The following KIF26A variants were observed in gnomAD, a reference collection of about 807,000 sequenced individuals.
KIF26A encodes the protein kinesin-like protein KIF26A.
In KIF26A, 74 loss-of-function variants were observed where a neutral mutation model predicts 126.0. That is an observed-to-expected ratio of 0.59 (90% confidence interval 0.49 to 0.71). KIF26A has a LOEUF of 0.71. Among genes scored for constraint, KIF26A ranks in the 30% least tolerant of loss-of-function variants. The pLI, the probability that KIF26A is intolerant of heterozygous loss-of-function variation, is 0.00. For synonymous variants in KIF26A, 1,445 were observed against 1,232.7 expected (o/e 1.17, Z -3.61); for missense variants, 2,984 against 2,763.3 (o/e 1.08, Z -1.79).
rs781049360 is a variant in KIF26A at position 104,175,670 on chromosome 14, C to A, written c.2882C>A (p.Ala961Asp). ...CCCCCACCTCCTCAGTTGCTGGAAG[C>A]CTGCAGAGCCCCAGAAGAGCCTGGG... Reference protein sequence around the residue: ...PAPPPPQLLEACRAPEEPGGG... With the variant: ...PAPPPPQLLEDCRAPEEPGGG... The change falls in exon 12 of 15, where the codon GCC becomes GAC. Residue 961 changes from alanine (A) to aspartate (D), a missense_variant. By Grantham distance (126) the Ala-to-Asp change is moderately radical. Coordinates refer to ENST00000423312, the MANE Select transcript of KIF26A (RefSeq NM_015656.2). The A allele has an allele frequency of 4.4e-6, 7 of 1,607,224 alleles. No homozygotes were observed. The South Asian group carries it at 7.8e-5, about 18-fold the overall frequency.
At position 104,176,342 on chromosome 14, in the gene KIF26A, C is replaced by A. The variant is rs186020493; in HGVS notation, c.3554C>A (p.Pro1185Gln). 49 of 1,582,644 alleles carry A rather than the reference C, an allele frequency of 3.1e-5. No individual in the cohort carries two copies. In the African/African-American group the frequency reaches 4.4e-4, roughly 14 times the overall value. The change falls in exon 12 of 15, where the codon CCA (proline) becomes CAA (glutamine). Residue 1185 changes from proline (P) to glutamine (Q), a missense_variant. Physicochemically the swap from Pro to Gln is moderately conservative, Grantham distance 76. Transcript: ENST00000423312. ...CCTGGGGAAGTGGCTGCAGTGGCCC[C>A]ATCCCGACCCGGCAGGGAGCCCCAG... The part of the protein sequence containing the change: ...PCPGEVAAVA[P>Q]SRPGREPQAG...
rs1739871687 is a variant in KIF26A, at chr14:104,176,672, G to A, written c.3884G>A (p.Arg1295His). 1.3e-6 allele frequency: 2 copies of A among 1,597,142 alleles called. No individual in the cohort carries two copies. The highest frequency in any genetic ancestry group is 1.3e-5 in the African/African-American group (1 of 74,838). The change falls in exon 12 of 15, where the codon CGC (arginine) becomes CAC (histidine). Residue 1295 changes from arginine (R) to histidine (H), a missense_variant. By Grantham distance (29) the Arg-to-His change is conservative. Transcript: ENST00000423312. ...DGCEVAARAARRPEAVARIPP... is the reference protein window; with the variant it reads ...DGCEVAARAAHRPEAVARIPP... ...TGTGAGGTGGCAGCCAGGGCGGCCC[G>A]CAGGCCAGAGGCTGTGGCTCGGATC...
intron 11 of KIF26A, among the ~76,000 whole-genome samples, chr14:104,174,718 C>T (rs1285361597): frequency 6.6e-6 from 1 of 152,222 alleles, no homozygotes; most frequent in Admixed American, 6.5e-5. Flanking sequence ...CTGGCCTGGG[C>T]ACACATGCTT....
chr14:104,173,628 T>A, intron 9 of KIF26A, 78 bp from the exon 10 acceptor site: 1 of 1,550,044 alleles, frequency 6.5e-7, no homozygotes, highest in Non-Finnish European at 8.7e-7. Context: ...TGTCCCCAGC[T>A]TGGGCCTGGG....
chr14:104,169,698 T>C (rs1339721599), intron 5 of KIF26A, among the ~76,000 whole-genome samples: 1 of 152,232 alleles, frequency 6.6e-6, no homozygotes, highest in Non-Finnish European at 1.5e-5. Flanking sequence ...CAGTGTGGTA[T>C]AAAAAAGACA....
intron 3 of KIF26A, among the ~76,000 whole-genome samples, chr14:104,157,104 C>T (rs998164437): frequency 2.6e-5 from 4 of 152,160 alleles, no homozygotes; most frequent in South Asian, 2.1e-4. Context: ...CGGGGTCCCA[C>T]GTGTCTGGGA....
chr14:104,171,112 T>C (rs2037952504), intron 5 of KIF26A, among the ~76,000 whole-genome samples: 1 of 152,218 alleles, frequency 6.6e-6, no homozygotes, highest in African/African-American at 2.4e-5. Flanking sequence ...CTTCTTATCT[T>C]GCCCGTCCCC....
At chr14:104,170,985 G>A (rs1229951914) in intron 5 of KIF26A, among the ~76,000 whole-genome samples, 1 of 152,234 alleles carries the variant, frequency 6.6e-6, no homozygotes, top group Non-Finnish European at 1.5e-5. Context: ...GGCTCGGGAG[G>A]TCAGTCTGGA....
At chr14:104,140,302 G>A (rs900207744) in intron 2 of KIF26A, among the ~76,000 whole-genome samples, 1 of 152,148 alleles carries the variant, frequency 6.6e-6, no homozygotes, top group African/African-American at 2.4e-5. Context: ...AGGCGCCTGT[G>A]GGCCTGTCCT....
In KIF26A at chr14:104,177,059, G is replaced by A. The variant is rs1278963190; in HGVS notation, c.4271G>A (p.Ser1424Asn). ...RATSSLKARASKVEAAHRLAG... is the reference protein window; with the variant it reads ...RATSSLKARANKVEAAHRLAG... ...ACGTCCAGCCTGAAGGCCCGGGCCA[G>A]CAAGGTAGAAGCAGCACACCGTCTT... The change falls in exon 12 of 15, where the codon AGC becomes AAC. Residue 1424 changes from serine to asparagine, a missense_variant. Coordinates refer to ENST00000423312, the MANE Select transcript of KIF26A (RefSeq NM_015656.2). The A allele has an allele frequency of 4.4e-6, 7 of 1,589,492 alleles. No homozygotes were observed. Among genetic ancestry groups the A allele is most frequent in the Non-Finnish European group, 6.0e-6 (7 of 1,176,032 alleles).
At position 104,152,576 on chromosome 14, in the gene KIF26A, G is replaced by A; in HGVS notation, c.735+115G>A. 2.9e-6 allele frequency: 3 copies of A among 1,041,176 alleles called. No individual in the cohort carries two copies. The highest frequency in any genetic ancestry group is 5.3e-5 in the East Asian group (2 of 37,838). 64.5% of individuals were successfully genotyped at this position (1,041,176 alleles called of 1,614,324 possible). A position where few individuals can be genotyped will look rare whatever the true frequency, so the allele number is the denominator to read the frequency against. On this transcript the variant is annotated intron_variant, in intron 3 of 14. Transcript: ENST00000423312. The surrounding 1 kb of genome is among the most constrained non-coding windows in gnomAD (Gnocchi z 5.9). Reference sequence around the variant, plus strand: ...GCAGTAAGGCTTCCCTGAAGGGAGGGGACGGCGGGCATGGGGGTTCCTGAC... The same window carrying A: ...GCAGTAAGGCTTCCCTGAAGGGAGGAGACGGCGGGCATGGGGGTTCCTGAC...
rs913765903 is a variant in KIF26A, at chr14:104,178,744, G to A, written c.5305G>A (p.Ala1769Thr). The change falls in exon 13 of 15, where the codon GCC (alanine) becomes ACC (threonine). Residue 1769 changes from alanine to threonine, a missense_variant. By Grantham distance (58) the Ala-to-Thr change is moderately conservative. Transcript: ENST00000423312. ...LQRPRPTPRE[A>T]PTQGLACVST... ...GCGGCCCCGCCCCACCCCGAGGGAGGCCCCCACCCAGGTAGGGCCTTTGGT... is the reference window on the plus strand; with the variant it reads ...GCGGCCCCGCCCCACCCCGAGGGAGACCCCCACCCAGGTAGGGCCTTTGGT... 3 of 1,528,280 alleles carry A rather than the reference G, an allele frequency of 2.0e-6. No homozygotes were observed. Among genetic ancestry groups the A allele is most frequent in the South Asian group, 1.2e-5 (1 of 82,842 alleles). 94.7% of individuals were successfully genotyped at this position (1,528,280 alleles called of 1,614,324 possible).
rs2037703823 is a variant in KIF26A, at chr14:104,148,960, C to T, written c.289-3055C>T. 6.6e-6 allele frequency among the ~76,000 whole-genome samples: 1 copy of T among 152,178 alleles called. No individual in the cohort carries two copies. The highest frequency in any genetic ancestry group is 1.5e-5 in the Non-Finnish European group (1 of 68,020). On this transcript the variant is annotated intron_variant, in intron 2 of 14. Coordinates refer to ENST00000423312, the MANE Select transcript of KIF26A (RefSeq NM_015656.2). This position sits in a 1 kb window ranked among gnomAD's most constrained non-coding sequence, Gnocchi z 4.3. The stretch of plus-strand genomic sequence containing the variant: ...CAGGCTGGTCCTGCAAATAGGAGGT[C>T]TCGGGTCCTCTGGGCTGGGCTGTGT...
At position 104,176,920 on chromosome 14, in the gene KIF26A, G is replaced by T; in HGVS notation, c.4132G>T (p.Ala1378Ser). 1 of 1,537,472 alleles carries T rather than the reference G, an allele frequency of 6.5e-7. No homozygotes were observed. ...KSSLEQRSSPASAPPHAVNPA... is the reference protein window; with the variant it reads ...KSSLEQRSSPSSAPPHAVNPA... ...CAGCCTGGAGCAGAGGAGCAGCCCG[G>T]CCTCGGCCCCTCCGCATGCTGTGAA... Residue 1378 changes from alanine (A) to serine (S), a missense_variant, in exon 12 of 15, where the codon GCC (alanine) becomes TCC (serine). By Grantham distance (99) the Ala-to-Ser change is moderately conservative. Transcript: ENST00000423312.
chr14:104,165,001 G>A (rs2037870771), intron 4 of KIF26A, among the ~76,000 whole-genome samples: 1 of 151,540 alleles, frequency 6.6e-6, no homozygotes, highest in Non-Finnish European at 1.5e-5. Flanking sequence ...CTGTATGCGT[G>A]CACGTGTCTC....
At chr14:104,170,937 T>A (rs1484072091) in intron 5 of KIF26A, among the ~76,000 whole-genome samples, 1 of 152,244 alleles carries the variant, frequency 6.6e-6, no homozygotes, top group Non-Finnish European at 1.5e-5. Flanking sequence ...GAGACGCCAT[T>A]GCTTCTGCCC....
chr14:104,169,519 C>T (rs962437195), intron 5 of KIF26A, among the ~76,000 whole-genome samples: 1 of 152,230 alleles, frequency 6.6e-6, no homozygotes, highest in Non-Finnish European at 1.5e-5. Context: ...CCTGGGTCAC[C>T]AGCCTTCCAG....
chr14:104,178,834 G>C (rs2038066970), intron 13 of KIF26A, 79 bp downstream of exon 13: 1 of 810,298 alleles, frequency 1.2e-6, no homozygotes, highest in Admixed American at 2.9e-5. Flanking sequence ...CATTTGATGG[G>C]CTCGCCAGGC....
rs376823456 is a variant in KIF26A, at chr14:104,173,391, C to T, written c.1745C>T (p.Ala582Val). 4.4e-5 allele frequency: 69 copies of T among 1,582,546 alleles called. No individual in the cohort carries two copies. In the African/African-American group the frequency reaches 5.9e-4, roughly 14 times the overall value. The change falls in exon 9 of 15, where the codon GCG (alanine) becomes GTG (valine). Residue 582 changes from alanine (A) to valine (V), a missense_variant. Transcript: ENST00000423312. The stretch of plus-strand genomic sequence containing the variant: ...GAGAAGGCGGCTTTCTACCTGGATG[C>T]GGCCCTGGCGGCCCGCAGCACCAGC... Reference protein sequence around the residue: ...TAEKAAFYLDAALAARSTSRA... With the variant: ...TAEKAAFYLDVALAARSTSRA...
Sources: gnomAD v4.1 joint callset for allele counts (sites outside exome capture counted in the v4.1 genomes callset) on GRCh38, gnomAD v4.1.1 for gene constraint, Gnocchi (gnomAD v3.1) non-coding constraint, MANE v1.5 for transcripts, NCBI Gene and HGNC (gene_info 2026-07-23, HGNC 2026-07-21) for gene names.